The following MFSD11 variants were observed in gnomAD, a reference collection of about 807,000 sequenced individuals.
MFSD11 encodes UNC93-like protein MFSD11.
Under a neutral mutation model 53.5 loss-of-function variants are expected in MFSD11, and 36 were observed. The observed-to-expected ratio is 0.67, with a 90% CI of 0.52 to 0.89. The LOEUF (loss-of-function observed/expected upper bound fraction) is 0.89, where lower values mean the gene tolerates loss of function less well. Ranked by LOEUF, MFSD11 falls within the 40% of genes least tolerant of loss-of-function variation. The probability of loss-of-function intolerance (pLI) is 0.00; values close to 1 mark genes in which losing one functional copy is unlikely to be tolerated. For synonymous variants in MFSD11, 186 were observed against 184.9 expected, an observed-to-expected ratio of 1.01 and a Z score of -0.05; for missense variants, 530 against 543.9, an observed-to-expected ratio of 0.97 and a Z score of 0.25.
rs1338786928 is a variant in MFSD11, at chr17:76,744,381, C to G, written c.556C>G (p.Leu186Val). The G allele has an allele frequency of 3.7e-6, 6 of 1,613,886 alleles. No homozygotes were observed. The highest frequency in any genetic ancestry group is 4.2e-6 in the Non-Finnish European group (5 of 1,179,898). The change falls in exon 7 of 13, where the codon CTA becomes GTA. Residue 186 changes from leucine (L) to valine (V), a missense_variant. Physicochemically the swap from Leu to Val is conservative, Grantham distance 32. Coordinates refer to ENST00000685175, the MANE Select transcript of MFSD11 (RefSeq NM_001242532.5). ...LTVISLVGTV[L>V]FFLIRKPDSE... ...GGTGATTAGCCTTGTGGGGACAGTT[C>G]TATTCTTTCTCATTCGGAAACCAGA... is the stretch of plus-strand genomic sequence containing the variant.
At chr17:76,775,810 C>G (rs1461192267) in intron 11 of MFSD11, among the ~76,000 whole-genome samples, 1 of 152,096 alleles carries the variant, frequency 6.6e-6, no homozygotes, top group East Asian at 1.9e-4. Flanking sequence ...GCAGATGTTC[C>G]AAAATCTGAA....
downstream of MFSD11, among the ~76,000 whole-genome samples, chr17:76,780,244 C>A (rs1316106657): frequency 1.3e-5 from 2 of 152,202 alleles, no homozygotes; most frequent in African/African-American, 4.8e-5. Context: ...TCTCATCTGG[C>A]ATGGCAACCA....
the MFSD11 span, among the ~76,000 whole-genome samples, chr17:76,795,172 G>T: frequency 6.6e-6 from 1 of 151,550 alleles, no homozygotes; most frequent in Non-Finnish European, 1.5e-5. Context: ...CATTTACATT[G>T]TATTAGGTAT....
chr17:76,742,092 CCTAT>C (rs1420225251), intron 4 of MFSD11, 44 bp downstream of exon 4: 2 of 1,613,862 alleles, frequency 1.2e-6, no homozygotes, highest in Admixed American at 3.3e-5. Flanking sequence ...TTTTCTGGGG[CCTAT>C]CTAAGGGTAT....
the MFSD11 span, among the ~76,000 whole-genome samples, chr17:76,796,349 C>A: frequency 1.3e-5 from 2 of 152,124 alleles, no homozygotes; most frequent in African/African-American, 4.8e-5. Flanking sequence ...CTTCCTTTTC[C>A]CCCATGTGTT....
At chr17:76,740,553 A>G (rs2077974270) in intron 2 of MFSD11, among the ~76,000 whole-genome samples, 1 of 152,164 alleles carries the variant, frequency 6.6e-6, no homozygotes. Flanking sequence ...TTCACCAGCC[A>G]CCCAGCTGGA....
At chr17:76,748,907 C>A (rs1221296038) in intron 7 of MFSD11, among the ~76,000 whole-genome samples, 1 of 152,090 alleles carries the variant, frequency 6.6e-6, no homozygotes, top group Non-Finnish European at 1.5e-5. Flanking sequence ...TCCCACCCTC[C>A]CTTCCTCTCT....
chr17:76,749,026 CAG>C (rs1366295883), intron 7 of MFSD11, among the ~76,000 whole-genome samples: 12 of 152,058 alleles, frequency 7.9e-5, no homozygotes, highest in African/African-American at 2.9e-4. Context: ...TAGTTGGTGA[CAG>C]AGAGAAAAGA....
chr17:76,771,752 G>A (rs376659370), intron 10 of MFSD11, among the ~76,000 whole-genome samples: 4 of 152,338 alleles, frequency 2.6e-5, no homozygotes, highest in African/African-American at 9.6e-5. Flanking sequence ...GCGTGGTGGT[G>A]TGAGGAGAGA....
intron 7 of MFSD11, among the ~76,000 whole-genome samples, chr17:76,752,174 A>G (rs1373894448): frequency 6.6e-6 from 1 of 152,232 alleles, no homozygotes; most frequent in East Asian, 1.9e-4. Flanking sequence ...CTCAGTCCTC[A>G]GACAGCTGCA....
chr17:76,786,426 GCCA>G (rs2082274749), downstream of MFSD11, among the ~76,000 whole-genome samples: 1 of 152,156 alleles, frequency 6.6e-6, no homozygotes, highest in Non-Finnish European at 1.5e-5. Context: ...ACAGGCATAA[GCCA>G]CCACACCTGG....
At chr17:76,757,468 A>G (rs1396123741) in intron 8 of MFSD11, among the ~76,000 whole-genome samples, 2 of 152,162 alleles carry the variant, frequency 1.3e-5, no homozygotes, top group East Asian at 1.9e-4. Flanking sequence ...GCAAGGCTTC[A>G]TGTGGCCTGT....
upstream of MFSD11, chr17:76,736,769 G>A: frequency 3.6e-6 from 5 of 1,393,932 alleles, no homozygotes; most frequent in Non-Finnish European, 3.7e-6. Context: ...GCCCCGCCCC[G>A]CCTCCCGCGG....
Position 76,776,534 on chromosome 17 carries a change from T to A in MFSD11, c.1178T>A (p.Phe393Tyr), listed in dbSNP as rs1461395035. 2 of 1,613,944 alleles carry A rather than the reference T, an allele frequency of 1.2e-6. No homozygotes were observed. The highest frequency in any genetic ancestry group is 1.7e-5 in the Admixed American group (1 of 59,986). ...DSAPAFAIFK[F>Y]VQSICAAVAF... is the part of the protein sequence containing the mutation. ...GCCCCAGCATTTGCCATCTTCAAGT[T>A]TGTTCAGGTAACCTCTTCAGATTGT... The change falls in exon 12 of 13, where the codon TTT becomes TAT. Residue 393 changes from phenylalanine to tyrosine, a missense_variant. By Grantham distance (22) the Phe-to-Tyr change is conservative. Coordinates refer to ENST00000685175, the MANE Select transcript of MFSD11 (RefSeq NM_001242532.5). The surrounding 1 kb of genome is among the most constrained non-coding windows in gnomAD (Gnocchi z 4.2).
At chr17:76,742,828 C>T (rs934251092) in intron 5 of MFSD11, among the ~76,000 whole-genome samples, 8 of 152,106 alleles carry the variant, frequency 5.3e-5, no homozygotes, top group Admixed American at 5.2e-4. Context: ...AAGAAGAAAG[C>T]AAAACAGCTA....
rs1157120116 is a variant in MFSD11 at position 76,776,807 on chromosome 17, AT to A, written c.1185+271del. Among the ~76,000 whole-genome samples, 1 of 148,862 alleles carries A rather than the reference AT, an allele frequency of 6.7e-6. No individual in the cohort carries two copies. The highest frequency in any genetic ancestry group is 1.9e-4 in the East Asian group (1 of 5,146). On this transcript the variant is annotated intron_variant, in intron 12 of 12. Transcript: ENST00000685175. This position sits in a 1 kb window ranked among gnomAD's most constrained non-coding sequence, Gnocchi z 4.2. The stretch of plus-strand genomic sequence containing the variant: ...AGGTGCACACCACCATGCCTGGCTA[AT>A]TTTTGTATTTTTTTTTTCTTTTTAG...
In MFSD11 at chr17:76,776,671, C is replaced by G; in HGVS notation, c.1185+130C>G. 2 of 884,810 alleles carry G rather than the reference C, an allele frequency of 2.3e-6. No homozygotes were observed. Among genetic ancestry groups the G allele is most frequent in the Middle Eastern group, 3.7e-4 (1 of 2,696 alleles). 54.8% of individuals were successfully genotyped at this position (884,810 alleles called of 1,614,324 possible). A position where few individuals can be genotyped will look rare whatever the true frequency, so the allele number is the denominator to read the frequency against. On this transcript the variant is annotated intron_variant, in intron 12 of 12. Coordinates refer to ENST00000685175, the MANE Select transcript of MFSD11 (RefSeq NM_001242532.5). This position sits in a 1 kb window ranked among gnomAD's most constrained non-coding sequence, Gnocchi z 4.2. ...TATTTTTATTTTTTTGATAGAGTCT[C>G]TCTCTGTCACTCAGGCTGGAGTGCA...
the MFSD11 span, among the ~76,000 whole-genome samples, chr17:76,803,014 G>C: frequency 2.6e-5 from 4 of 152,032 alleles, no homozygotes; most frequent in Admixed American, 6.6e-5. Flanking sequence ...AAAATTAGCC[G>C]GGCGTGGTGG....
downstream of MFSD11, among the ~76,000 whole-genome samples, chr17:76,780,846 T>C (rs1266827990): frequency 6.6e-6 from 1 of 152,194 alleles, no homozygotes; most frequent in African/African-American, 2.4e-5. Flanking sequence ...TTTTCCTTTT[T>C]GAAGCTGATA....
Sources: gnomAD v4.1 joint callset for allele counts (sites outside exome capture counted in the v4.1 genomes callset) on GRCh38, gnomAD v4.1.1 for gene constraint, Gnocchi (gnomAD v3.1) non-coding constraint, MANE v1.5 for transcripts, NCBI Gene and HGNC (gene_info 2026-07-23, HGNC 2026-07-21) for gene names.